Variants in MTA3 observed in about 807,000 individuals in gnomAD.
The protein encoded by MTA3 is metastasis-associated protein MTA3.
In MTA3, 34 loss-of-function variants were observed where a neutral mutation model predicts 83.5. The observed-to-expected ratio is 0.41, with a 90% CI of 0.31 to 0.54. MTA3 has a LOEUF of 0.54. Among genes scored for constraint, MTA3 ranks in the 20% least tolerant of loss-of-function variants. The pLI is 0.33. For missense variants in MTA3, 761 were observed against 726.4 expected, an observed-to-expected ratio of 1.05 and a Z score of -0.55; for synonymous variants, 303 against 252.7, an observed-to-expected ratio of 1.20 and a Z score of -1.89.
intron 2 of MTA3, among the ~76,000 whole-genome samples, chr2:42,547,596 G>C (rs934313599): frequency 1.3e-5 from 2 of 152,240 alleles, no homozygotes; most frequent in African/African-American, 4.8e-5. Flanking sequence ...CTCTCAAAGC[G>C]CTGGGATTAC....
intron 8 of MTA3, among the ~76,000 whole-genome samples, chr2:42,672,871 G>T (rs1690954340): frequency 7.0e-6 from 1 of 142,446 alleles, no homozygotes. Context: ...TTTTGAGACG[G>T]AGTCTGCCTC....
At chr2:42,728,151 A>C (rs182648186) in intron 16 of MTA3, among the ~76,000 whole-genome samples, 1 of 152,206 alleles carries the variant, frequency 6.6e-6, no homozygotes, top group Admixed American at 6.5e-5. Context: ...CCATGAGTTC[A>C]ATTTTTTTAA....
At chr2:42,515,434 T>A (rs922049885) in intron 2 of MTA3, among the ~76,000 whole-genome samples, 1 of 152,184 alleles carries the variant, frequency 6.6e-6, no homozygotes, top group African/African-American at 2.4e-5. Flanking sequence ...TCCTCCCACC[T>A]CAACTTCCCG....
intron 16 of MTA3, among the ~76,000 whole-genome samples, chr2:42,734,741 A>G (rs1305357818): frequency 5.3e-5 from 8 of 151,896 alleles, no homozygotes; most frequent in Admixed American, 4.6e-4. Context: ...TCTGGTTACC[A>G]TAAGGCTTGC....
At chr2:42,710,897 G>A (rs1261273125) in intron 14 of MTA3, among the ~76,000 whole-genome samples, 1 of 151,810 alleles carries the variant, frequency 6.6e-6, no homozygotes, top group Non-Finnish European at 1.5e-5. Context: ...TGGCCAACAT[G>A]GTGAAGCCTC....
chr2:42,539,855 G>A (rs915909492), intron 2 of MTA3, among the ~76,000 whole-genome samples: 2 of 152,086 alleles, frequency 1.3e-5, no homozygotes, highest in African/African-American at 2.4e-5. Flanking sequence ...TTATAGGCAT[G>A]AGCCACCACT....
chr2:42,583,566 C>T (rs532660298), intron 3 of MTA3, among the ~76,000 whole-genome samples: 7 of 152,040 alleles, frequency 4.6e-5, no homozygotes, highest in Non-Finnish European at 7.4e-5. Flanking sequence ...TAGAGTCTTG[C>T]TCTATCGCTC....
chr2:42,683,499 A>T (rs971108713), intron 9 of MTA3, among the ~76,000 whole-genome samples: 1 of 152,130 alleles, frequency 6.6e-6, no homozygotes, highest in Non-Finnish European at 1.5e-5. Context: ...ATTCAGGTGC[A>T]TTACGTTTAT....
At chr2:42,675,779 T>G (rs976982502) in intron 8 of MTA3, among the ~76,000 whole-genome samples, 1 of 152,238 alleles carries the variant, frequency 6.6e-6, no homozygotes, top group Admixed American at 6.5e-5. Context: ...ACCCTACATT[T>G]TCTCTACTGG....
chr2:42,611,074 C>T (rs966144086), intron 4 of MTA3, among the ~76,000 whole-genome samples: 15 of 151,428 alleles, frequency 9.9e-5, no homozygotes, highest in African/African-American at 2.4e-4. Context: ...CTCTGCCTCC[C>T]GGGTTCACGC....
At chr2:42,523,208 C>T (rs572648051) in intron 2 of MTA3, among the ~76,000 whole-genome samples, 1 of 152,106 alleles carries the variant, frequency 6.6e-6, no homozygotes, top group Non-Finnish European at 1.5e-5. Flanking sequence ...CAGTTGACTT[C>T]CCTGCCACCA....
intron 2 of MTA3, among the ~76,000 whole-genome samples, chr2:42,502,393 C>T (rs1430248127): frequency 2.0e-5 from 3 of 152,090 alleles, no homozygotes; most frequent in Non-Finnish European, 4.4e-5. Flanking sequence ...GGTGGAGGTA[C>T]GGGTTTCTGA....
chr2:42,752,928 CCT>C (rs771203774), intron 16 of MTA3, among the ~76,000 whole-genome samples: 5 of 139,878 alleles, frequency 3.6e-5, no homozygotes, highest in Admixed American at 7.0e-5. Context: ...CATTGTGAGC[CCT>C]TTTTTTTTTT....
At chr2:42,558,495 C>G (rs1016842406) in intron 2 of MTA3, among the ~76,000 whole-genome samples, 1 of 152,010 alleles carries the variant, frequency 6.6e-6, no homozygotes, top group African/African-American at 2.4e-5. Flanking sequence ...GGCCATCTGC[C>G]CACCTCGGCC....
chr2:42,625,470 G>T (rs1685981664), intron 4 of MTA3, among the ~76,000 whole-genome samples: 1 of 151,112 alleles, frequency 6.6e-6, no homozygotes, highest in Non-Finnish European at 1.5e-5. Flanking sequence ...TTATGGGCCG[G>T]GCACAGTGGC....
chr2:42,676,681 A>T (rs899480789), intron 8 of MTA3, among the ~76,000 whole-genome samples: 5 of 152,172 alleles, frequency 3.3e-5, no homozygotes, highest in African/African-American at 7.2e-5. Context: ...TGGGAGGATC[A>T]TCTGAGCCCA....
intron 16 of MTA3, among the ~76,000 whole-genome samples, chr2:42,743,318 G>A (rs1669174578): frequency 6.6e-6 from 1 of 152,244 alleles, no homozygotes; most frequent in Non-Finnish European, 1.5e-5. Flanking sequence ...AGGGGGCCTT[G>A]AGAAAGACTT....
At chr2:42,523,556 GC>G (rs1675528504) in intron 2 of MTA3, among the ~76,000 whole-genome samples, 1 of 152,184 alleles carries the variant, frequency 6.6e-6, no homozygotes, top group Non-Finnish European at 1.5e-5. Flanking sequence ...CATCTCAGTT[GC>G]TGTGTGAGAC....
intron 2 of MTA3, among the ~76,000 whole-genome samples, chr2:42,522,096 C>G (rs949491922): frequency 6.6e-6 from 1 of 152,118 alleles, no homozygotes; most frequent in Non-Finnish European, 1.5e-5. Flanking sequence ...CTGTACAAGT[C>G]CAAGTCCAAA....
Sources: gnomAD v4.1 joint callset for allele counts (sites outside exome capture counted in the v4.1 genomes callset) on GRCh38, gnomAD v4.1.1 for gene constraint, MANE v1.5 for transcripts, NCBI Gene and HGNC (gene_info 2026-07-23, HGNC 2026-07-21) for gene names.